SLC16A7: variants seen among roughly 807,000 people sequenced by gnomAD.
SLC16A7 encodes monocarboxylate transporter 2.
SLC16A7 carries 33 observed loss-of-function variants against 34.9 expected under a neutral mutation model. The observed-to-expected ratio is 0.94, with a 90% CI of 0.72 to 1.26. The LOEUF is 1.26. SLC16A7 is among the 50% of genes most tolerant of loss of function. SLC16A7 has a pLI of 0.00. For missense variants in SLC16A7, 573 were observed against 578.1 expected (o/e 0.99, Z 0.09); for synonymous variants, 201 against 206.6 (o/e 0.97, Z 0.23).
chr12:59,762,525 A>T (rs1019651922), intron 3 of SLC16A7, among the ~76,000 whole-genome samples: 5 of 152,160 alleles, frequency 3.3e-5, no homozygotes, highest in African/African-American at 1.2e-4. Flanking sequence ...GACATATTCA[A>T]TGTAAAACAA....
chr12:59,616,149 A>T (rs1298208361), intron 1 of SLC16A7, among the ~76,000 whole-genome samples: 1 of 152,208 alleles, frequency 6.6e-6, no homozygotes, highest in Admixed American at 6.5e-5. Flanking sequence ...CTTTAGTTAT[A>T]AATACATGGA....
intron 1 of SLC16A7, among the ~76,000 whole-genome samples, chr12:59,654,710 C>T (rs990460557): frequency 9.4e-5 from 14 of 149,588 alleles, no homozygotes; most frequent in Non-Finnish European, 1.5e-4. Context: ...CACACACACA[C>T]TCACACTCAC....
chr12:59,683,445 G>T (rs1870903280), intron 2 of SLC16A7, among the ~76,000 whole-genome samples: 1 of 152,116 alleles, frequency 6.6e-6, no homozygotes, highest in South Asian at 2.1e-4. Context: ...AGTTGTCCAT[G>T]TGTGAGGTGA....
chr12:59,646,065 A>G (rs555314740), intron 1 of SLC16A7, among the ~76,000 whole-genome samples: 1 of 152,296 alleles, frequency 6.6e-6, no homozygotes, highest in East Asian at 1.9e-4. Context: ...AAGTTTGGAA[A>G]ATTTTCAGCC....
In SLC16A7 at chr12:59,657,621, A is replaced by G. The variant is rs190264055; in HGVS notation, c.-31+2371A>G. Among the ~76,000 whole-genome samples the G allele has an allele frequency of 1.2e-4, 19 of 152,152 alleles. No homozygotes were observed. The East Asian group carries it at 3.7e-3, about 29-fold the overall frequency. ...CAGTGCCCCATTCTCTGTGTTTGAC[A>G]GTGGTGGTGGGTCTGCTTTAGACCT... On this transcript the variant is annotated intron_variant, in intron 2 of 5. Transcript: ENST00000547379.
At chr12:59,628,274 A>G (rs1208057806) in intron 1 of SLC16A7, among the ~76,000 whole-genome samples, 3 of 151,890 alleles carry the variant, frequency 2.0e-5, no homozygotes, top group African/African-American at 7.2e-5. Flanking sequence ...TTAAAGTCTT[A>G]AATTATCTTG....
chr12:59,765,189 T>C (rs1881464738), intron 3 of SLC16A7, among the ~76,000 whole-genome samples: 1 of 152,194 alleles, frequency 6.6e-6, no homozygotes. Context: ...GTTTGTTTTT[T>C]TCTTGTAAAT....
intron 3 of SLC16A7, among the ~76,000 whole-genome samples, chr12:59,761,812 A>T (rs1031651670): frequency 6.6e-6 from 1 of 152,230 alleles, no homozygotes; most frequent in South Asian, 2.1e-4. Flanking sequence ...TCACATATTT[A>T]TCTATTTGTT....
At chr12:59,672,986 A>G (rs1466586906) in intron 2 of SLC16A7, among the ~76,000 whole-genome samples, 3 of 152,172 alleles carry the variant, frequency 2.0e-5, no homozygotes, top group East Asian at 3.9e-4. Flanking sequence ...GGATCTAGTC[A>G]GCTATTTGAC....
intron 2 of SLC16A7, among the ~76,000 whole-genome samples, chr12:59,680,410 G>A (rs1490224915): frequency 1.3e-5 from 2 of 152,160 alleles, no homozygotes; most frequent in East Asian, 1.9e-4. Flanking sequence ...GACTGAAAAT[G>A]TGTTATCTTG....
chr12:59,696,168 C>G lies in SLC16A7; in HGVS notation c.-30-8604C>G, dbSNP rs563053793. On this transcript the variant is annotated intron_variant, in intron 2 of 5. Transcript: ENST00000547379. Reference sequence around the variant, plus strand: ...TAATCTACTGTTTTTTTCAACAAAACCTAATTTTTTTAATCTTATACTTTT... The same window carrying G: ...TAATCTACTGTTTTTTTCAACAAAAGCTAATTTTTTTAATCTTATACTTTT... Among the ~76,000 whole-genome samples the G allele has an allele frequency of 1.4e-3, 213 of 151,118 alleles. 1 individual carries two copies. The highest frequency in any genetic ancestry group is 7.0e-3 in the Middle Eastern group (2 of 286).
intron 3 of SLC16A7, chr12:59,720,220 A>G: frequency 1.7e-6 from 1 of 597,744 alleles, no homozygotes. Context: ...ATTGTTACTT[A>G]TGTATTTATA....
chr12:59,605,404 A>G (rs180833479), intron 1 of SLC16A7, among the ~76,000 whole-genome samples: 162 of 152,290 alleles, frequency 1.1e-3, no homozygotes, highest in African/African-American at 3.4e-3. Flanking sequence ...GGGAGGTGGC[A>G]AGACTCCCAT....
At chr12:59,684,337 G>A (rs890480312) in intron 2 of SLC16A7, among the ~76,000 whole-genome samples, 4 of 152,086 alleles carry the variant, frequency 2.6e-5, no homozygotes, top group African/African-American at 9.7e-5. Flanking sequence ...AGCATGAGAG[G>A]GACTCCTTTT....
intron 1 of SLC16A7, among the ~76,000 whole-genome samples, chr12:59,650,185 G>A (rs1317657057): frequency 1.3e-5 from 2 of 151,786 alleles, no homozygotes; most frequent in South Asian, 2.1e-4. Context: ...TAACTGTAAC[G>A]AAAATTTAAA....
intron 5 of SLC16A7, 67 bp from the exon 6 acceptor site, chr12:59,779,355 TA>T (rs1883058852): frequency 1.0e-5 from 12 of 1,188,776 alleles, no homozygotes; most frequent in Non-Finnish European, 1.4e-5. Context: ...AAGAATAATT[TA>T]TTTGAATTTT....
At chr12:59,758,243 G>A (rs79983841) in intron 3 of SLC16A7, among the ~76,000 whole-genome samples, 3,170 of 152,122 alleles carry the variant, frequency 0.021, 45 homozygotes, top group Middle Eastern at 0.037. Flanking sequence ...CTCATGTTAA[G>A]TGTTCTTACC....
At chr12:59,773,663 C>G (rs1372202830) in intron 4 of SLC16A7, among the ~76,000 whole-genome samples, 1 of 151,996 alleles carries the variant, frequency 6.6e-6, no homozygotes, top group Non-Finnish European at 1.5e-5. Context: ...CTCCTCAGTC[C>G]AAGCGATTCT....
chr12:59,622,049 C>T (rs1025273578), intron 1 of SLC16A7, among the ~76,000 whole-genome samples: 11 of 151,734 alleles, frequency 7.2e-5, no homozygotes, highest in South Asian at 4.1e-4. Context: ...CAGAGTGAAA[C>T]GTGGTGTGAA....
Sources: gnomAD v4.1 joint callset for allele counts (sites outside exome capture counted in the v4.1 genomes callset) on GRCh38, gnomAD v4.1.1 for gene constraint, MANE v1.5 for transcripts, NCBI Gene and HGNC (gene_info 2026-07-23, HGNC 2026-07-21) for gene names.